Variants in RNF25 observed in about 807,000 individuals in gnomAD.
The protein encoded by RNF25 is E3 ubiquitin-protein ligase RNF25.
RNF25 carries 32 observed loss-of-function variants against 65.0 expected under a neutral mutation model. The ratio of observed to expected loss-of-function variants is 0.49; its 90% confidence interval spans 0.37 to 0.66. The LOEUF (loss-of-function observed/expected upper bound fraction) is 0.66, where lower values mean the gene tolerates loss of function less well. RNF25 is among the 30% of genes least tolerant of loss of function. The pLI, the probability that RNF25 is intolerant of heterozygous loss-of-function variation, is 0.00. For synonymous variants in RNF25, 207 were observed against 221.2 expected (o/e 0.94, Z 0.57); for missense variants, 493 against 584.8 (o/e 0.84, Z 1.62).
chr2:218,667,841 T>C (rs1939868029), intron 5 of RNF25, 71 bp downstream of exon 5: 8 of 1,407,200 alleles, frequency 5.7e-6, no homozygotes, highest in Non-Finnish European at 7.9e-6. Flanking sequence ...AGGCCCATGG[T>C]TTCCCTTTTA....
intron 1 of RNF25, among the ~76,000 whole-genome samples, 153 bp downstream of exon 1, chr2:218,671,777 C>G (rs569999645): frequency 3.8e-4 from 58 of 152,318 alleles, no homozygotes; most frequent in African/African-American, 1.4e-3. Context: ...CCCTCCCGTT[C>G]CCCAGTCCAG....
rs747603468 is a variant in RNF25 at position 218,664,504 on chromosome 2, A to G, written c.833T>C (p.Val278Ala). 6.2e-7 allele frequency: 1 copy of G among 1,613,780 alleles called. No individual in the cohort carries two copies. The highest frequency in any genetic ancestry group is 8.5e-7 in the Non-Finnish European group (1 of 1,179,876). The change falls in exon 10 of 10, where the codon GTA becomes GCA. Residue 278 changes from valine to alanine, a missense_variant. By Grantham distance (64) the Val-to-Ala change is moderately conservative. Coordinates refer to ENST00000295704, the MANE Select transcript of RNF25 (RefSeq NM_022453.3). This position sits in a 1 kb window ranked among gnomAD's most constrained non-coding sequence, Gnocchi z 5.1. Reference sequence around the variant, plus strand: ...TGGTTGGGATCCTTTGGAGACATCTACAGCTGACTCAGGTTCCGCAGGGGC... The same window carrying G: ...TGGTTGGGATCCTTTGGAGACATCTGCAGCTGACTCAGGTTCCGCAGGGGC... ...PPAPAEPESA[V>A]DVSKGSQPPS...
Position 218,664,784 on chromosome 2 carries a change from A to G in RNF25, c.756T>C (p.Ile252=), listed in dbSNP as rs774552073. The change falls in exon 9 of 10, where the codon ATT becomes ATC. Residue 252 remains isoleucine (I), a synonymous_variant. Coordinates refer to ENST00000295704, the MANE Select transcript of RNF25 (RefSeq NM_022453.3). The surrounding 1 kb of genome is among the most constrained non-coding windows in gnomAD (Gnocchi z 5.1). ...YQRQQERGGI[I]DLEAERNRYF... is the part of the protein sequence containing the mutation. ...ATCGGTTTCGCTCAGCCTCAAGGTCAATGATTCCCCCCCGCTCCTGCTGCC... is the reference window on the plus strand; with the variant it reads ...ATCGGTTTCGCTCAGCCTCAAGGTCGATGATTCCCCCCCGCTCCTGCTGCC... 1 of 1,614,236 alleles carries G rather than the reference A, an allele frequency of 6.2e-7. No homozygotes were observed. The highest frequency in any genetic ancestry group is 2.2e-5 in the East Asian group (1 of 44,890).
chr2:218,668,373 G>T lies in RNF25; in HGVS notation c.117-32C>A. On this transcript the variant is annotated intron_variant, in intron 2 of 9. Coordinates refer to ENST00000295704, the MANE Select transcript of RNF25 (RefSeq NM_022453.3). ...GTGGATCAAGTGGACACGCAGATGT[G>T]ACTGGGTAGGGGCTTGGGGGCTGGG... 3.5e-6 allele frequency: 5 copies of T among 1,437,882 alleles called. No homozygotes were observed. In the South Asian group the frequency reaches 3.5e-5, roughly 10 times the overall value. The allele number at this position is 1,437,882 out of a possible 1,614,324, so 89.1% of individuals were successfully genotyped here. A position where few individuals can be genotyped will look rare whatever the true frequency, so the allele number is the denominator to read the frequency against.
intron 1 of RNF25, among the ~76,000 whole-genome samples, 165 bp from the exon 2 acceptor site, chr2:218,668,844 C>T (rs944244374): frequency 2.0e-5 from 3 of 152,170 alleles, no homozygotes; most frequent in Admixed American, 2.0e-4. Flanking sequence ...TGTCAACTGG[C>T]CAAATAGAAG....
At chr2:218,668,018 C>A (rs531400993) in intron 4 of RNF25, 37 bp from the exon 5 acceptor site, 1 of 1,613,518 alleles carries the variant, frequency 6.2e-7, no homozygotes, top group African/African-American at 1.3e-5. Flanking sequence ...TAGACCTGCC[C>A]ATTTCTGTCA....
chr2:218,664,901 TAATG>T lies in RNF25; in HGVS notation c.667-32_667-29del. ...GGAAGGAAGAATGGCAGAGAGGAAATAATGAACAGCAGAAGGCTGACTCAAACCT... is the reference window on the plus strand; with the variant it reads ...GGAAGGAAGAATGGCAGAGAGGAAATAACAGCAGAAGGCTGACTCAAACCT... On this transcript the variant is annotated intron_variant, in intron 8 of 9. Coordinates refer to ENST00000295704, the MANE Select transcript of RNF25 (RefSeq NM_022453.3). The surrounding 1 kb of genome is among the most constrained non-coding windows in gnomAD (Gnocchi z 5.1). 1 of 1,613,322 alleles carries T rather than the reference TAATG, an allele frequency of 6.2e-7. No individual in the cohort carries two copies. Among genetic ancestry groups the T allele is most frequent in the Non-Finnish European group, 8.5e-7 (1 of 1,179,772 alleles).
chr2:218,667,993 G>T lies in RNF25; in HGVS notation c.288-12C>A, dbSNP rs1369954831. ...GCACCTGTAAGATCCTGGAGGAAGA[G>T]GGCAAACCAAATATTAGACCTGCCC... On this transcript the variant is annotated splice_polypyrimidine_tract_variant and intron_variant, in intron 4 of 9. Transcript: ENST00000295704. The T allele has an allele frequency of 2.5e-6, 4 of 1,614,028 alleles. No homozygotes were observed. In the African/African-American group the frequency reaches 5.3e-5, roughly 22 times the overall value.
At chr2:218,665,388 G>T in intron 7 of RNF25, 141 bp from the exon 8 acceptor site, 1 of 686,476 alleles carries the variant, frequency 1.5e-6, no homozygotes, top group Non-Finnish European at 2.5e-6. Flanking sequence ...GACAGAGCAC[G>T]GGTTGTCTAA....
rs554877419 is a variant in RNF25, at chr2:218,670,343, T to C, written c.41+1587A>G. 3.9e-5 allele frequency among the ~76,000 whole-genome samples: 6 copies of C among 151,976 alleles called. No individual in the cohort carries two copies. In the East Asian group the frequency reaches 7.7e-4, roughly 20 times the overall value. On this transcript the variant is annotated intron_variant, in intron 1 of 9. Coordinates refer to ENST00000295704, the MANE Select transcript of RNF25 (RefSeq NM_022453.3). ...CCTCAGTCAAGTGGCCCTTCAATAC[T>C]TCGCCCACCCTAGTTATATGGGTCC...
intron 5 of RNF25, 104 bp from the exon 6 acceptor site, chr2:218,666,334 G>T: frequency 1.1e-6 from 1 of 892,318 alleles, no homozygotes; most frequent in Non-Finnish European, 1.8e-6. Flanking sequence ...CTCCTAGCAG[G>T]CCAGTTTGTT....
chr2:218,668,527 G>A, intron 2 of RNF25, 78 bp downstream of exon 2: 3 of 1,120,986 alleles, frequency 2.7e-6, no homozygotes, highest in Non-Finnish European at 4.1e-6. Flanking sequence ...GGCTCACAAT[G>A]TCTTAAGACC....
intron 8 of RNF25, 53 bp downstream of exon 8, chr2:218,665,102 C>A: frequency 6.4e-7 from 1 of 1,570,922 alleles, no homozygotes; most frequent in Non-Finnish European, 8.8e-7. Flanking sequence ...CCATTCCTTA[C>A]TCTTTAGAAA....
rs945120231 is a variant in RNF25 at position 218,664,583 on chromosome 2, G to T, written c.802-48C>A. 10 of 1,582,704 alleles carry T rather than the reference G, an allele frequency of 6.3e-6. No homozygotes were observed. Among genetic ancestry groups the T allele is most frequent in the Non-Finnish European group, 8.6e-6 (10 of 1,158,472 alleles). ...AGTGAGGGAGATGCAGTTCCTCAAG[G>T]TGGGGAACTACAGGCCCCTCTCCTA... On this transcript the variant is annotated intron_variant, in intron 9 of 9. Transcript: ENST00000295704. The surrounding 1 kb of genome is among the most constrained non-coding windows in gnomAD (Gnocchi z 5.1).
rs534375774 is a variant in RNF25, at chr2:218,667,182, T to A, written c.357+730A>T. Among the ~76,000 whole-genome samples the A allele has an allele frequency of 1.6e-4, 24 of 147,546 alleles. No individual in the cohort carries two copies. In the South Asian group the frequency reaches 4.9e-3, roughly 30 times the overall value. On this transcript the variant is annotated intron_variant, in intron 5 of 9. Coordinates refer to ENST00000295704, the MANE Select transcript of RNF25 (RefSeq NM_022453.3). ...GACTGTCTCAAAAAAAAAAAAAAAA[T>A]TAAAATTAATAAATAAACAAACTAG...
At chr2:218,671,664 G>A (rs1939977865) in intron 1 of RNF25, among the ~76,000 whole-genome samples, 1 of 152,170 alleles carries the variant, frequency 6.6e-6, no homozygotes, top group Non-Finnish European at 1.5e-5. Flanking sequence ...GAAAGGGATG[G>A]CGTGAAGCTG....
At chr2:218,668,204 T>TTCCTCCCTC in intron 3 of RNF25, 35 bp downstream of exon 3, 1 of 1,611,364 alleles carries the variant, frequency 6.2e-7, no homozygotes, top group Non-Finnish European at 8.5e-7. Context: ...GACTCTCCCC[T>TTCCTCCCTC]TCCTCCCTTT....
At position 218,664,052 on chromosome 2, in the gene RNF25, C is replaced by T. The variant is rs115609218; in HGVS notation, c.1285G>A (p.Gly429Ser). Residue 429 changes from glycine to serine, a missense_variant, in exon 10 of 10, where the codon GGT becomes AGT. Transcript: ENST00000295704. This position sits in a 1 kb window ranked among gnomAD's most constrained non-coding sequence, Gnocchi z 5.1. ...CGAGGCAGGCGAGGGTAGGAAGAAC[C>T]GGGTGTCCGGCCTTTAGAGCGCTCC... ...RWERSKGRTP[G>S]SSYPRLPRGQ... The T allele has an allele frequency of 4.4e-4, 659 of 1,503,040 alleles. 9 individuals are homozygous for T. The East Asian group carries it at 0.014, about 33-fold the overall frequency. 93.1% of individuals were successfully genotyped at this position (1,503,040 alleles called of 1,614,324 possible). A position where few individuals can be genotyped will look rare whatever the true frequency, so the allele number is the denominator to read the frequency against.
chr2:218,665,819 GA>G lies in RNF25; in HGVS notation c.573+96del, dbSNP rs376828189. ...TAATCTCAAGGGTATCTATGACCCT[GA>G]AAAAGTGAAGAGCCACTGGAGTGGA... On this transcript the variant is annotated intron_variant, in intron 7 of 9. Transcript: ENST00000295704. The G allele has an allele frequency of 9.4e-6, 14 of 1,484,088 alleles. No individual in the cohort carries two copies. In the African/African-American group the frequency reaches 1.4e-4, roughly 15 times the overall value. The allele number at this position is 1,484,088 out of a possible 1,614,324, so 91.9% of individuals were successfully genotyped here. A position where few individuals can be genotyped will look rare whatever the true frequency, so the allele number is the denominator to read the frequency against.
Sources: allele counts gnomAD v4.1 joint callset (sites outside exome capture counted in the v4.1 genomes callset), GRCh38; gene constraint gnomAD v4.1.1; non-coding constraint Gnocchi (gnomAD v3.1); transcripts MANE v1.5; gene names NCBI Gene and HGNC (gene_info 2026-07-23, HGNC 2026-07-21).